UXS1: variants seen among roughly 807,000 people sequenced by gnomAD.
UXS1 encodes the protein UDP-glucuronate decarboxylase 1.
A neutral mutation model predicts 62.6 loss-of-function variants in UXS1; 33 were observed. The ratio of observed to expected loss-of-function variants is 0.53; its 90% CI spans 0.40 to 0.70. The LOEUF (loss-of-function observed/expected upper bound fraction) is 0.70, where lower values mean the gene tolerates loss of function less well. UXS1 is among the 30% of genes least tolerant of loss of function. The pLI, the probability that UXS1 is intolerant of heterozygous loss-of-function variation, is 0.00. For synonymous variants in UXS1, 213 were observed against 206.8 expected (o/e 1.03, Z -0.26); for missense variants, 434 against 556.3 (o/e 0.78, Z 2.21).
At chr2:106,191,290 T>C (rs12621092) in intron 1 of UXS1, among the ~76,000 whole-genome samples, 16,139 of 152,154 alleles carry the variant, frequency 0.11, 1,260 homozygotes, top group East Asian at 0.32. Context: ...TGAGGGTGTA[T>C]ATAATTGGGA....
chr2:106,096,250 CAGTG>C (rs1253976883), intron 14 of UXS1, among the ~76,000 whole-genome samples: 8 of 151,868 alleles, frequency 5.3e-5, no homozygotes, highest in Admixed American at 3.9e-4. Flanking sequence ...GAGTGTGGAT[CAGTG>C]AGTGTGCGCA....
intron 10 of UXS1, 138 bp from the exon 11 acceptor site, chr2:106,104,975 C>T: frequency 2.1e-6 from 2 of 958,602 alleles, no homozygotes; most frequent in Non-Finnish European, 3.4e-6. Context: ...GCATCTAGCA[C>T]CACATCCCGC....
intron 5 of UXS1, among the ~76,000 whole-genome samples, chr2:106,146,572 A>C (rs1681583549): frequency 6.6e-6 from 1 of 152,000 alleles, no homozygotes; most frequent in Non-Finnish European, 1.5e-5. Flanking sequence ...TGAGATCAGG[A>C]GTTCAAGACC....
At chr2:106,174,455 A>G (rs1165198066) in intron 1 of UXS1, among the ~76,000 whole-genome samples, 2 of 152,226 alleles carry the variant, frequency 1.3e-5, no homozygotes, top group Non-Finnish European at 2.9e-5. Context: ...ACAAGATAAG[A>G]GCACCAGAGG....
intron 10 of UXS1, among the ~76,000 whole-genome samples, chr2:106,109,811 C>T (rs1381730064): frequency 2.0e-5 from 3 of 152,202 alleles, no homozygotes; most frequent in African/African-American, 4.8e-5. Flanking sequence ...AACACGGCTG[C>T]AAGGTAAGCA....
At chr2:106,096,533 A>G (rs1389836530) in intron 14 of UXS1, among the ~76,000 whole-genome samples, 185 bp downstream of exon 14, 1 of 152,194 alleles carries the variant, frequency 6.6e-6, no homozygotes, top group South Asian at 2.1e-4. Flanking sequence ...CCCAGGTAAC[A>G]TTCTCTGAGA....
chr2:106,140,433 A>C (rs1558715724), intron 6 of UXS1, among the ~76,000 whole-genome samples: 1 of 152,218 alleles, frequency 6.6e-6, no homozygotes, highest in Admixed American at 6.5e-5. Flanking sequence ...AAAATATTCT[A>C]ATCAGAGCTG....
intron 11 of UXS1, chr2:106,101,797 G>A (rs1365233291): frequency 1.3e-5 from 2 of 152,170 alleles, no homozygotes; most frequent in East Asian, 1.9e-4. Flanking sequence ...GCAAACTTTC[G>A]CTTACCAAGG....
chr2:106,149,369 T>C (rs898969019), intron 5 of UXS1, among the ~76,000 whole-genome samples: 1 of 152,220 alleles, frequency 6.6e-6, no homozygotes, highest in African/African-American at 2.4e-5. Flanking sequence ...CACATTTTGG[T>C]AATTTAATCC....
intron 1 of UXS1, among the ~76,000 whole-genome samples, chr2:106,179,241 C>A (rs1269381655): frequency 1.3e-5 from 2 of 152,044 alleles, no homozygotes; most frequent in African/African-American, 4.8e-5. Flanking sequence ...TCCATGGTCT[C>A]CCCCACCCCA....
chr2:106,113,486 T>A (rs965705855), intron 9 of UXS1, among the ~76,000 whole-genome samples: 3 of 152,228 alleles, frequency 2.0e-5, no homozygotes, highest in African/African-American at 7.2e-5. Flanking sequence ...AATGAACATG[T>A]ATTACTTTTG....
At chr2:106,113,364 C>A (rs1281242840) in intron 9 of UXS1, among the ~76,000 whole-genome samples, 2 of 152,212 alleles carry the variant, frequency 1.3e-5, no homozygotes, top group Non-Finnish European at 2.9e-5. Context: ...AGGTTATTAG[C>A]TAATGGCCTG....
intron 10 of UXS1, among the ~76,000 whole-genome samples, 175 bp downstream of exon 10, chr2:106,112,471 C>A (rs1678697420): frequency 6.6e-6 from 1 of 152,234 alleles, no homozygotes; most frequent in South Asian, 2.1e-4. Context: ...CGTGGAGCAG[C>A]CATGCATCTG....
intron 6 of UXS1, among the ~76,000 whole-genome samples, chr2:106,137,694 G>T (rs1680770192): frequency 6.6e-6 from 1 of 151,958 alleles, no homozygotes; most frequent in East Asian, 1.9e-4. Flanking sequence ...ACTTGGGAAG[G>T]TGAGGCAGGA....
At chr2:106,124,104 T>C (rs2104927778) in intron 8 of UXS1, among the ~76,000 whole-genome samples, 1 of 152,328 alleles carries the variant, frequency 6.6e-6, no homozygotes, top group Middle Eastern at 3.4e-3. Context: ...AAGAGCAAAC[T>C]TCTCACTACT....
chr2:106,149,297 T>C (rs1313246861), intron 5 of UXS1, among the ~76,000 whole-genome samples: 1 of 152,182 alleles, frequency 6.6e-6, no homozygotes, highest in Non-Finnish European at 1.5e-5. Context: ...ATAAAATTCA[T>C]GGCAAGATTT....
intron 5 of UXS1, among the ~76,000 whole-genome samples, chr2:106,153,366 A>T (rs1682184565): frequency 6.6e-6 from 1 of 152,184 alleles, no homozygotes; most frequent in Non-Finnish European, 1.5e-5. Flanking sequence ...TTAATAGAGA[A>T]ATCAGGGAAA....
chr2:106,148,515 G>T (rs377605860), intron 5 of UXS1, among the ~76,000 whole-genome samples: 2 of 152,118 alleles, frequency 1.3e-5, no homozygotes, highest in African/African-American at 4.8e-5. Context: ...GAGATGCAGC[G>T]TATTAAATTA....
chr2:106,187,476 T>C (rs756185036), intron 1 of UXS1, among the ~76,000 whole-genome samples: 1 of 152,214 alleles, frequency 6.6e-6, no homozygotes, highest in East Asian at 1.9e-4. Context: ...TTGCCGATCA[T>C]GTGGGAGCTG....
Sources: gnomAD v4.1 joint callset for allele counts (sites outside exome capture counted in the v4.1 genomes callset) on GRCh38, gnomAD v4.1.1 for gene constraint, MANE v1.5 for transcripts, NCBI Gene and HGNC (gene_info 2026-07-23, HGNC 2026-07-21) for gene names.